Variants in BRINP3 observed in about 807,000 individuals in gnomAD.
BRINP3 encodes BMP/retinoic acid-inducible neural-specific protein 3.
A neutral mutation model predicts 71.0 loss-of-function variants in BRINP3; 19 were observed. That is an observed-to-expected ratio of 0.27 (90% confidence interval 0.19 to 0.39). The LOEUF (loss-of-function observed/expected upper bound fraction) is 0.39, where lower values mean the gene tolerates loss of function less well. BRINP3 is among the 10% of genes least tolerant of loss of function. The pLI is 1.00. For missense variants in BRINP3, 959 were observed against 940.8 expected, an observed-to-expected ratio of 1.02 and a Z score of -0.25; for synonymous variants, 380 against 337.7, an observed-to-expected ratio of 1.13 and a Z score of -1.37.
At position 190,414,337 on chromosome 1, in the gene BRINP3, GT is replaced by G. The variant is rs147545737; in HGVS notation, c.236+40317del. ...TATTTGAGGTTGAATAAATCACTGT[GT>G]TTTTTTTTTGTTGTTTATCAGTTAG... On this transcript the variant is annotated intron_variant, in intron 2 of 7. Coordinates refer to ENST00000367462, the MANE Select transcript of BRINP3 (RefSeq NM_199051.3). 6.6e-3 allele frequency among the ~76,000 whole-genome samples: 963 copies of G among 146,714 alleles called. 21 individuals are homozygous for G. Among genetic ancestry groups the G allele is most frequent in the East Asian group, 0.06 (305 of 5,060 alleles).
chr1:190,340,037 A>C (rs553132186), intron 2 of BRINP3, among the ~76,000 whole-genome samples: 46 of 152,088 alleles, frequency 3.0e-4, no homozygotes, highest in African/African-American at 1.0e-3. Context: ...GAGTATCAAA[A>C]AGAGGAAAGA....
intron 7 of BRINP3, among the ~76,000 whole-genome samples, chr1:190,142,762 T>C (rs1417763514): frequency 2.0e-5 from 3 of 152,034 alleles, no homozygotes; most frequent in Non-Finnish European, 4.4e-5. Flanking sequence ...AATTGAAGTA[T>C]GCCTGAGACA....
intron 6 of BRINP3, among the ~76,000 whole-genome samples, chr1:190,188,734 T>C (rs1653764357): frequency 6.6e-6 from 1 of 152,154 alleles, no homozygotes; most frequent in African/African-American, 2.4e-5. Context: ...ATCTTATTAA[T>C]GTGCTGTCAT....
At chr1:190,296,527 A>C (rs940308312) in intron 2 of BRINP3, among the ~76,000 whole-genome samples, 4 of 152,060 alleles carry the variant, frequency 2.6e-5, no homozygotes, top group Non-Finnish European at 5.9e-5. Flanking sequence ...GGCTGCCCAC[A>C]CTCACCATTT....
At chr1:190,157,998 G>A (rs1278490693) in intron 7 of BRINP3, among the ~76,000 whole-genome samples, 2 of 152,038 alleles carry the variant, frequency 1.3e-5, no homozygotes, top group African/African-American at 4.8e-5. Flanking sequence ...TATCCTAAGT[G>A]AGTTAATGCA....
intron 2 of BRINP3, among the ~76,000 whole-genome samples, chr1:190,397,601 T>A (rs552630350): frequency 1.3e-5 from 2 of 152,146 alleles, no homozygotes; most frequent in Middle Eastern, 3.4e-3. Context: ...AATTATATTC[T>A]AAATTTTGCA....
At chr1:190,152,491 A>AAT (rs141753835) in intron 7 of BRINP3, among the ~76,000 whole-genome samples, 4,501 of 141,474 alleles carry the variant, frequency 0.032, 80 homozygotes, top group Non-Finnish European at 0.046. Flanking sequence ...TACATGCACA[A>AAT]ATATATATAT....
chr1:190,100,190 T>C (rs1383159601), intron 7 of BRINP3, among the ~76,000 whole-genome samples: 1 of 152,180 alleles, frequency 6.6e-6, no homozygotes, highest in Non-Finnish European at 1.5e-5. Context: ...AAGTGTCTGT[T>C]TCACAGTAGA....
At chr1:190,351,327 T>C (rs893118081) in intron 2 of BRINP3, among the ~76,000 whole-genome samples, 5 of 152,134 alleles carry the variant, frequency 3.3e-5, no homozygotes, top group African/African-American at 1.2e-4. Context: ...ATTGCTAACA[T>C]ATGCAAAACT....
intron 1 of BRINP3, among the ~76,000 whole-genome samples, chr1:190,468,478 AT>A (rs1676912450): frequency 6.6e-6 from 1 of 151,266 alleles, no homozygotes; most frequent in East Asian, 1.9e-4. Context: ...TGAACAAGAT[AT>A]TTGTTAAAAT....
chr1:190,429,976 C>T (rs1361142705), intron 2 of BRINP3, among the ~76,000 whole-genome samples: 1 of 152,002 alleles, frequency 6.6e-6, no homozygotes, highest in Non-Finnish European at 1.5e-5. Context: ...ACTTAAGGAA[C>T]ATAACAAAAC....
chr1:190,386,931 C>CACTTTAAA (rs1234783578), intron 2 of BRINP3, among the ~76,000 whole-genome samples: 2 of 151,846 alleles, frequency 1.3e-5, no homozygotes, highest in African/African-American at 4.8e-5. Flanking sequence ...GAGAAAAAAT[C>CACTTTAAA]AGGACTTATC....
At chr1:190,384,743 C>T (rs973700542) in intron 2 of BRINP3, among the ~76,000 whole-genome samples, 2 of 151,834 alleles carry the variant, frequency 1.3e-5, no homozygotes, top group Non-Finnish European at 2.9e-5. Flanking sequence ...AATTATATCA[C>T]TGCTTCATGA....
At chr1:190,187,613 C>G (rs1041906804) in intron 6 of BRINP3, among the ~76,000 whole-genome samples, 1 of 151,966 alleles carries the variant, frequency 6.6e-6, no homozygotes. Context: ...TCAGTTTTCC[C>G]AACACTATTT....
chr1:190,424,326 T>C (rs373524305), intron 2 of BRINP3, among the ~76,000 whole-genome samples: 1 of 151,612 alleles, frequency 6.6e-6, no homozygotes, highest in Non-Finnish European at 1.5e-5. Flanking sequence ...TCATAAGTAT[T>C]GCCCCTTTGT....
chr1:190,243,555 C>T (rs1298936493), intron 4 of BRINP3, among the ~76,000 whole-genome samples: 1 of 152,064 alleles, frequency 6.6e-6, no homozygotes, highest in Non-Finnish European at 1.5e-5. Flanking sequence ...TATGTTGTTA[C>T]TCTAGCTGGG....
At position 190,160,674 on chromosome 1, in the gene BRINP3, C is replaced by T. The variant is rs1657271455; in HGVS notation, c.1178G>A (p.Arg393Lys). The change falls in exon 7 of 8, where the codon AGA (arginine) becomes AAA (lysine). Residue 393 changes from arginine to lysine, a missense_variant. Coordinates refer to ENST00000367462, the MANE Select transcript of BRINP3 (RefSeq NM_199051.3). ...CHKQPLISLPRQRTSTYWLTR... is the reference protein window; with the variant it reads ...CHKQPLISLPKQRTSTYWLTR... The stretch of plus-strand genomic sequence containing the variant: ...ATTACCACAAATGTCTTACCTTTGT[C>T]TTGGCAGGCTGATGAGGGGTTGTTT... The T allele has an allele frequency of 6.2e-7, 1 of 1,611,704 alleles. No individual in the cohort carries two copies. The highest frequency in any genetic ancestry group is 8.5e-7 in the Non-Finnish European group (1 of 1,178,948).
At chr1:190,331,607 G>A (rs553113744) in intron 2 of BRINP3, among the ~76,000 whole-genome samples, 126 of 152,168 alleles carry the variant, frequency 8.3e-4, no homozygotes, top group African/African-American at 2.9e-3. Flanking sequence ...CAGGAGTGAT[G>A]TGTTCCTTTC....
At chr1:190,226,405 A>C (rs1164628347) in intron 5 of BRINP3, 87 bp from the exon 6 acceptor site, 1 of 711,838 alleles carries the variant, frequency 1.4e-6, no homozygotes, top group Non-Finnish European at 2.1e-6. Context: ...TCAAAACAGT[A>C]AATAATTTAG....
Sources: allele counts gnomAD v4.1 joint callset (sites outside exome capture counted in the v4.1 genomes callset), GRCh38; gene constraint gnomAD v4.1.1; transcripts MANE v1.5; gene names NCBI Gene and HGNC (gene_info 2026-07-23, HGNC 2026-07-21).